HMG20A: variants seen among roughly 807,000 people sequenced by gnomAD.
HMG20A encodes the protein high mobility group 20A, also known as high mobility group protein 20A.
A neutral mutation model predicts 43.9 loss-of-function variants in HMG20A; 17 were observed. That is an observed-to-expected ratio of 0.39 (90% CI 0.27 to 0.58). The LOEUF is 0.58. HMG20A is among the 20% of genes least tolerant of loss of function. The probability of loss-of-function intolerance (pLI) is 0.59; values close to 1 mark genes in which losing one functional copy is unlikely to be tolerated. For synonymous variants in HMG20A, 132 were observed against 147.5 expected (o/e 0.89, Z 0.76); for missense variants, 341 against 438.2 (o/e 0.78, Z 1.98).
At chr15:77,488,234 A>T (rs1055197559), downstream of HMG20A, among the ~76,000 whole-genome samples, 17 of 152,000 alleles carry the variant, frequency 1.1e-4, no homozygotes, top group African/African-American at 1.2e-4. Context: ...TCTCTCTCTC[A>T]CACACACACA....
intron 2 of HMG20A, among the ~76,000 whole-genome samples, chr15:77,459,750 A>G (rs1395979744): frequency 6.6e-6 from 1 of 152,210 alleles, no homozygotes; most frequent in Non-Finnish European, 1.5e-5. Context: ...GAGAGGCAGT[A>G]GAGGACTACA....
At chr15:77,466,337 C>T (rs959442091) in intron 3 of HMG20A, among the ~76,000 whole-genome samples, 11 of 152,026 alleles carry the variant, frequency 7.2e-5, no homozygotes, top group African/African-American at 2.2e-4. Context: ...GCCGAGATAG[C>T]GCCATTGCAC....
At chr15:77,456,814 C>T (rs1331926310) in intron 1 of HMG20A, among the ~76,000 whole-genome samples, 4 of 152,258 alleles carry the variant, frequency 2.6e-5, no homozygotes, top group Non-Finnish European at 2.9e-5. Context: ...GCTTTAATCT[C>T]GCCTTTGTAT....
intron 1 of HMG20A, among the ~76,000 whole-genome samples, chr15:77,440,735 A>G (rs1321950970): frequency 1.3e-5 from 2 of 152,158 alleles, no homozygotes; most frequent in Non-Finnish European, 2.9e-5. Flanking sequence ...TATGTCACTC[A>G]CTTTCATTGC....
At chr15:77,469,070 G>A (rs972100263) in intron 4 of HMG20A, among the ~76,000 whole-genome samples, 6 of 151,288 alleles carry the variant, frequency 4.0e-5, no homozygotes, top group South Asian at 2.1e-4. Context: ...TTGAGGTTGC[G>A]CATTCTTGGT....
intron 6 of HMG20A, among the ~76,000 whole-genome samples, chr15:77,472,706 G>A (rs926812050): frequency 2.0e-5 from 3 of 152,182 alleles, no homozygotes; most frequent in Admixed American, 6.5e-5. Context: ...TGTGTGTATG[G>A]GATTTAGGTG....
intron 2 of HMG20A, 119 bp downstream of exon 2, chr15:77,458,615 C>A: frequency 1.7e-6 from 1 of 598,848 alleles, no homozygotes; most frequent in South Asian, 2.4e-5. Context: ...GCACTTGTTT[C>A]ACTTTGCAAA....
intron 1 of HMG20A, among the ~76,000 whole-genome samples, chr15:77,437,247 T>G (rs1029856077): frequency 1.3e-5 from 2 of 152,218 alleles, no homozygotes; most frequent in African/African-American, 4.8e-5. Context: ...CATCTCCAAC[T>G]GTAGTTTTTC....
At chr15:77,440,984 A>G (rs2073606654) in intron 1 of HMG20A, among the ~76,000 whole-genome samples, 1 of 152,170 alleles carries the variant, frequency 6.6e-6, no homozygotes, top group Non-Finnish European at 1.5e-5. Flanking sequence ...TAGCTCTTAA[A>G]ATAGTGCCTG....
chr15:77,432,268 C>T (rs747783092), intron 1 of HMG20A, among the ~76,000 whole-genome samples: 7 of 151,916 alleles, frequency 4.6e-5, no homozygotes, highest in Non-Finnish European at 8.8e-5. Flanking sequence ...TAAAGATATA[C>T]TCAATGAAAA....
At chr15:77,467,479 A>C (rs1282493027) in intron 4 of HMG20A, among the ~76,000 whole-genome samples, 172 bp downstream of exon 4, 3 of 152,176 alleles carry the variant, frequency 2.0e-5, no homozygotes, top group Non-Finnish European at 4.4e-5. Context: ...GTGATTTTTA[A>C]ACTATTTGCT....
chr15:77,434,529 G>A (rs1282576005), intron 1 of HMG20A, among the ~76,000 whole-genome samples: 2 of 151,902 alleles, frequency 1.3e-5, no homozygotes, highest in African/African-American at 2.4e-5. Context: ...CAGATAAATA[G>A]GAAAAAACAA....
At chr15:77,498,198 C>A in the HMG20A span, among the ~76,000 whole-genome samples, 1 of 152,146 alleles carries the variant, frequency 6.6e-6, no homozygotes, top group Non-Finnish European at 1.5e-5. Context: ...TCCAGAAAGA[C>A]TTCATTACCG....
chr15:77,497,685 G>A, the HMG20A span, among the ~76,000 whole-genome samples: 1 of 41,534 alleles, frequency 2.4e-5, no homozygotes, highest in African/African-American at 6.6e-5. Flanking sequence ...GAGAGAGAGT[G>A]TGTGTGTGTG....
chr15:77,497,051 T>C, the HMG20A span, among the ~76,000 whole-genome samples: 1 of 152,186 alleles, frequency 6.6e-6, no homozygotes, highest in South Asian at 2.1e-4. Context: ...CTGGGGTTCC[T>C]GAAAGCCGGC....
the HMG20A span, among the ~76,000 whole-genome samples, chr15:77,518,395 T>C: frequency 1.3e-5 from 2 of 152,160 alleles, no homozygotes; most frequent in African/African-American, 4.8e-5. Context: ...GCCTTGGTGA[T>C]CTAGCCCACC....
chr15:77,516,058 GA>G, the HMG20A span, among the ~76,000 whole-genome samples: 1 of 152,188 alleles, frequency 6.6e-6, no homozygotes. Context: ...CACAGAGGGG[GA>G]AAGCCTAAAG....
At chr15:77,441,833 C>T (rs552187169) in intron 1 of HMG20A, among the ~76,000 whole-genome samples, 1 of 152,158 alleles carries the variant, frequency 6.6e-6, no homozygotes, top group East Asian at 1.9e-4. Flanking sequence ...ACACCCAGGG[C>T]CAAATTAAAT....
intron 2 of HMG20A, among the ~76,000 whole-genome samples, chr15:77,461,620 C>G (rs1231651312): frequency 1.3e-5 from 2 of 152,152 alleles, no homozygotes; most frequent in Non-Finnish European, 2.9e-5. Context: ...AACTTGTCAT[C>G]AAGAAGGCAT....
Sources: allele counts gnomAD v4.1 joint callset (sites outside exome capture counted in the v4.1 genomes callset), GRCh38; gene constraint gnomAD v4.1.1; transcripts MANE v1.5; gene names NCBI Gene and HGNC (gene_info 2026-07-23, HGNC 2026-07-21).